Variants in CEP112 observed in about 807,000 individuals in gnomAD.
CEP112 encodes centrosomal protein 112, also known as centrosomal protein of 112 kDa.
CEP112 carries 127 observed loss-of-function variants against 153.0 expected under a neutral mutation model. The ratio of observed to expected loss-of-function variants is 0.83; its 90% CI spans 0.72 to 0.96. The LOEUF (loss-of-function observed/expected upper bound fraction) is 0.96. Among genes scored for constraint, CEP112 ranks in the 40% least tolerant of loss-of-function variants. CEP112 has a pLI of 0.00. For synonymous variants in CEP112, 358 were observed against 374.4 expected, an observed-to-expected ratio of 0.96 and a Z score of 0.51; for missense variants, 1,089 against 1,101.2, an observed-to-expected ratio of 0.99 and a Z score of 0.16.
intron 18 of CEP112, among the ~76,000 whole-genome samples, chr17:65,956,425 C>CACACACACAT (rs2062006216): frequency 1.3e-5 from 2 of 151,900 alleles, no homozygotes; most frequent in Admixed American, 6.6e-5. Context: ...CACACACACA[C>CACACACACAT]ACACACACAC....
chr17:65,819,473 T>G (rs2056427869), intron 21 of CEP112, among the ~76,000 whole-genome samples: 1 of 151,990 alleles, frequency 6.6e-6, no homozygotes, highest in Admixed American at 6.6e-5. Flanking sequence ...ACAAAATTAG[T>G]GAACAAAAGT....
intron 8 of CEP112, among the ~76,000 whole-genome samples, chr17:66,085,463 T>C (rs998712716): frequency 6.6e-6 from 1 of 152,188 alleles, no homozygotes. Context: ...ACATCATTTA[T>C]TCTGCAAGAA....
chr17:66,153,209 A>C (rs1427046262), intron 4 of CEP112, among the ~76,000 whole-genome samples: 2 of 152,180 alleles, frequency 1.3e-5, no homozygotes, highest in Non-Finnish European at 2.9e-5. Flanking sequence ...AATGAAAAAC[A>C]TATGTCCGAA....
At chr17:65,811,688 T>C (rs1281366158) in intron 21 of CEP112, among the ~76,000 whole-genome samples, 1 of 152,208 alleles carries the variant, frequency 6.6e-6, no homozygotes, top group Admixed American at 6.5e-5. Context: ...ATACAAGTTA[T>C]AGCCATGAAA....
chr17:65,765,855 A>G (rs924485569), intron 21 of CEP112, among the ~76,000 whole-genome samples: 1 of 152,092 alleles, frequency 6.6e-6, no homozygotes, highest in Non-Finnish European at 1.5e-5. Context: ...GCAGATGAAA[A>G]TATTTTCCTA....
intron 18 of CEP112, among the ~76,000 whole-genome samples, chr17:65,942,049 C>T (rs745829310): frequency 2.6e-5 from 4 of 152,090 alleles, no homozygotes; most frequent in Admixed American, 6.6e-5. Context: ...ACAAGGGGTC[C>T]CCAACCCCCA....
intron 26 of CEP112, 97 bp downstream of exon 26, chr17:65,637,027 C>T (rs982781861): frequency 2.2e-6 from 2 of 920,540 alleles, no homozygotes; most frequent in African/African-American, 3.3e-5. Context: ...TGTATTATAT[C>T]CAAGCATTTT....
chr17:65,826,712 G>T (rs182184482), intron 21 of CEP112, among the ~76,000 whole-genome samples: 18 of 152,286 alleles, frequency 1.2e-4, no homozygotes, highest in Middle Eastern at 6.8e-3. Flanking sequence ...GCATAATAGA[G>T]AACATTTCGA....
intron 1 of CEP112, among the ~76,000 whole-genome samples, chr17:66,190,620 T>A (rs920119308): frequency 6.6e-6 from 1 of 152,144 alleles, no homozygotes; most frequent in Non-Finnish European, 1.5e-5. Context: ...CTCAAAAAAA[T>A]AAATAATTCC....
intron 20 of CEP112, among the ~76,000 whole-genome samples, chr17:65,879,774 A>C (rs1331371644): frequency 6.6e-6 from 1 of 151,896 alleles, no homozygotes; most frequent in Admixed American, 6.5e-5. Flanking sequence ...TCAAGTTTAA[A>C]AATATGATTC....
chr17:65,675,003 T>A (rs1419440267), intron 24 of CEP112, among the ~76,000 whole-genome samples: 1 of 152,176 alleles, frequency 6.6e-6, no homozygotes, highest in Non-Finnish European at 1.5e-5. Context: ...TAAAAAGAAC[T>A]AAGTAGAAAG....
intron 24 of CEP112, among the ~76,000 whole-genome samples, chr17:65,676,829 G>A (rs879865387): frequency 2.0e-5 from 3 of 152,198 alleles, no homozygotes; most frequent in Non-Finnish European, 4.4e-5. Flanking sequence ...GGATCATTCG[G>A]TTTAGTTTTT....
At chr17:65,659,015 C>CAAAAAAAAAA (rs777326885) in intron 24 of CEP112, among the ~76,000 whole-genome samples, 15 of 55,594 alleles carry the variant, frequency 2.7e-4, no homozygotes, top group African/African-American at 7.0e-4. Context: ...GACTCTGTCT[C>CAAAAAAAAAA]AAAAAAAAAA....
intron 22 of CEP112, among the ~76,000 whole-genome samples, chr17:65,749,790 T>TTGTTGC (rs2051706563): frequency 1.7e-5 from 1 of 60,404 alleles, no homozygotes; most frequent in Non-Finnish European, 4.3e-5. Flanking sequence ...TTTGTTGTTG[T>TTGTTGC]TGTTACTACT....
intron 4 of CEP112, among the ~76,000 whole-genome samples, chr17:66,135,631 A>G (rs1394014021): frequency 1.3e-5 from 2 of 152,188 alleles, no homozygotes; most frequent in South Asian, 2.1e-4. Context: ...GAAAAAATTC[A>G]GTACATTTGT....
intron 16 of CEP112, among the ~76,000 whole-genome samples, chr17:66,019,859 T>A (rs570068765): frequency 6.6e-6 from 1 of 152,208 alleles, no homozygotes; most frequent in Non-Finnish European, 1.5e-5. Context: ...CCCTTTCTAG[T>A]GTACATTCAC....
intron 18 of CEP112, among the ~76,000 whole-genome samples, chr17:65,942,172 T>C (rs1380007066): frequency 1.8e-5 from 2 of 113,236 alleles, no homozygotes; most frequent in African/African-American, 5.9e-5. Context: ...GTCAGATCAG[T>C]GTTGGCATTA....
chr17:65,998,382 CAAAAAA>C (rs34117654), intron 17 of CEP112, among the ~76,000 whole-genome samples: 1 of 70,028 alleles, frequency 1.4e-5, no homozygotes, highest in Non-Finnish European at 2.4e-5. Context: ...GGCCTCGTCT[CAAAAAA>C]AAAAAAAAAA....
At chr17:66,095,595 A>G (rs1220422920) in intron 8 of CEP112, among the ~76,000 whole-genome samples, 1 of 152,224 alleles carries the variant, frequency 6.6e-6, no homozygotes, top group African/African-American at 2.4e-5. Context: ...GATCTATTGT[A>G]CAGCATAGTG....
Sources: allele counts gnomAD v4.1 joint callset (sites outside exome capture counted in the v4.1 genomes callset), GRCh38; gene constraint gnomAD v4.1.1; transcripts MANE v1.5; gene names NCBI Gene and HGNC (gene_info 2026-07-23, HGNC 2026-07-21).